The following DNAH7 variants were observed in gnomAD, a reference collection of about 807,000 sequenced individuals.
The protein encoded by DNAH7 is axonemal beta dynein heavy chain 7.
Under a neutral mutation model 444.6 loss-of-function variants are expected in DNAH7, and 397 were observed. The ratio of observed to expected loss-of-function variants is 0.89; its 90% CI spans 0.82 to 0.97. The LOEUF (loss-of-function observed/expected upper bound fraction) is 0.97. DNAH7 is among the 50% of genes least tolerant of loss of function. The pLI is 0.00. For synonymous variants in DNAH7, 1,636 were observed against 1,624.4 expected (o/e 1.01, Z -0.17); for missense variants, 4,902 against 4,800.8 (o/e 1.02, Z -0.62).
chr2:195,742,205 C>T (rs755708823), intron 63 of DNAH7, among the ~76,000 whole-genome samples: 2 of 152,180 alleles, frequency 1.3e-5, no homozygotes, highest in African/African-American at 2.4e-5. Context: ...TGCGTCTTTA[C>T]CTCTGTGGCC....
chr2:195,834,214 C>T lies in DNAH7; in HGVS notation c.9092G>A (p.Gly3031Asp), dbSNP rs1313406963. The change falls in exon 48 of 65, where the codon GGT becomes GAT. Residue 3031 changes from glycine (G) to aspartate (D), a missense_variant. Physicochemically the swap from Gly to Asp is moderately conservative, Grantham distance 94. Coordinates refer to ENST00000312428, the MANE Select transcript of DNAH7 (RefSeq NM_018897.3). ...GTTATTCAACTACATACCAGGAGTA[C>T]CAAACTGGATGCAATTTTCCAGAGT... ...VRTLENCIQFGTPVLLENVGE... is the reference protein window; with the variant it reads ...VRTLENCIQFDTPVLLENVGE... 8.7e-6 allele frequency: 14 copies of T among 1,604,628 alleles called. No individual in the cohort carries two copies. Among genetic ancestry groups the T allele is most frequent in the Admixed American group, 5.0e-5 (3 of 59,784 alleles).
At chr2:195,985,351 G>T (rs1169848742) in intron 14 of DNAH7, among the ~76,000 whole-genome samples, 2 of 152,142 alleles carry the variant, frequency 1.3e-5, no homozygotes, top group Admixed American at 1.3e-4. Flanking sequence ...ATGAAAGAGG[G>T]CCTCCAACAT....
In DNAH7 at chr2:195,969,889, C is replaced by T. The variant is rs893968446; in HGVS notation, c.2205+59G>A. 112 of 1,532,646 alleles carry T rather than the reference C, an allele frequency of 7.3e-5. 1 individual carries two copies. In the East Asian group the frequency reaches 7.8e-4, roughly 11 times the overall value. The allele number at this position is 1,532,646 out of a possible 1,614,324, so 94.9% of individuals were successfully genotyped here. On this transcript the variant is annotated intron_variant, in intron 17 of 64. Coordinates refer to ENST00000312428, the MANE Select transcript of DNAH7 (RefSeq NM_018897.3). ...ACTTCTTAAAGGTGAATAACTAAAA[C>T]GAATTCAATGCTTTTTCAATTGAAC...
chr2:195,843,184 A>C (rs1698789793), intron 47 of DNAH7, among the ~76,000 whole-genome samples: 1 of 152,238 alleles, frequency 6.6e-6, no homozygotes, highest in East Asian at 1.9e-4. Flanking sequence ...TTCTAACACT[A>C]AACATCAACA....
intron 45 of DNAH7, among the ~76,000 whole-genome samples, chr2:195,855,366 T>G (rs1204950899): frequency 1.3e-5 from 2 of 152,222 alleles, no homozygotes; most frequent in Admixed American, 1.3e-4. Flanking sequence ...TATTGAGTTC[T>G]AATTTCAGCT....
rs1053179741 is a variant in DNAH7, at chr2:195,858,375, G to T, written c.8067+99C>A. On this transcript the variant is annotated intron_variant, in intron 43 of 64. Coordinates refer to ENST00000312428, the MANE Select transcript of DNAH7 (RefSeq NM_018897.3). ...TGATTTCAGCTTCATTAAAATTTCA[G>T]GCTAATTCGGAGAGACAAACTAGAC... 8.2e-6 allele frequency: 8 copies of T among 975,132 alleles called. No individual in the cohort carries two copies. In the African/African-American group the frequency reaches 1.3e-4, roughly 16 times the overall value. The allele number at this position is 975,132 out of a possible 1,614,324, so 60.4% of individuals were successfully genotyped here.
At chr2:195,937,741 C>T (rs1689151124) in intron 19 of DNAH7, among the ~76,000 whole-genome samples, 1 of 151,594 alleles carries the variant, frequency 6.6e-6, no homozygotes, top group Admixed American at 6.6e-5. Context: ...TATTCTTGGT[C>T]TTATAATTCC....
intron 46 of DNAH7, among the ~76,000 whole-genome samples, chr2:195,850,730 G>T (rs1699312589): frequency 6.6e-6 from 1 of 152,170 alleles, no homozygotes; most frequent in African/African-American, 2.4e-5. Flanking sequence ...CTTAGTTTGG[G>T]TTCCCTGAAG....
In DNAH7 at chr2:195,888,579, T is replaced by C. The variant is rs1244387849; in HGVS notation, c.5230-145A>G. 2.9e-6 allele frequency: 3 copies of C among 1,019,392 alleles called. No homozygotes were observed. The African/African-American group carries it at 5.0e-5, about 17-fold the overall frequency. 63.1% of individuals were successfully genotyped at this position (1,019,392 alleles called of 1,614,324 possible). Reference sequence around the variant, plus strand: ...TATAATTTCATGATGTCGATTTTTGTGTCTGACTTTACCAAATAGTCCTAA... The same window carrying C: ...TATAATTTCATGATGTCGATTTTTGCGTCTGACTTTACCAAATAGTCCTAA... On this transcript the variant is annotated intron_variant, in intron 32 of 64. Transcript: ENST00000312428.
At chr2:195,832,827 TTATTA>T (rs1018560356) in intron 48 of DNAH7, among the ~76,000 whole-genome samples, 3 of 152,340 alleles carry the variant, frequency 2.0e-5, no homozygotes, top group African/African-American at 7.2e-5. Context: ...TGTGCCTTTC[TTATTA>T]TATCATACTA....
rs774523495 is a variant in DNAH7 at position 195,872,205 on chromosome 2, T to G, written c.6633+45A>C. On this transcript the variant is annotated intron_variant, in intron 40 of 64. Coordinates refer to ENST00000312428, the MANE Select transcript of DNAH7 (RefSeq NM_018897.3). ...TTTACCCAGTTGTTGGCATGGCAAA[T>G]CTTTGTTTCTCACATAATCCCATTT... The G allele has an allele frequency of 1.5e-5, 21 of 1,437,158 alleles. No individual in the cohort carries two copies. In the Middle Eastern group the frequency reaches 1.9e-3, roughly 132 times the overall value. 89.0% of individuals were successfully genotyped at this position (1,437,158 alleles called of 1,614,324 possible). A position where few individuals can be genotyped will look rare whatever the true frequency, so the allele number is the denominator to read the frequency against.
rs1424102194 is a variant in DNAH7 at position 195,864,164 on chromosome 2, G to A, written c.7491C>T (p.Thr2497=). 2 of 1,613,144 alleles carry A rather than the reference G, an allele frequency of 1.2e-6. No individual in the cohort carries two copies. Among genetic ancestry groups the A allele is most frequent in the Non-Finnish European group, 1.7e-6 (2 of 1,179,176 alleles). ...ATGACAATACCTGAAACCAGTCAAT[G>A]GTACAGCAGTTAACAAGAGCAGGGA... ...RKFPALVNCC[T]IDWFQSWPED... is the part of the protein sequence containing the mutation. The change falls in exon 41 of 65, where the codon ACC becomes ACT. Residue 2497 remains threonine, a synonymous_variant. Transcript: ENST00000312428.
chr2:196,009,405 C>T (rs1342129611), intron 10 of DNAH7, among the ~76,000 whole-genome samples: 1 of 152,058 alleles, frequency 6.6e-6, no homozygotes, highest in East Asian at 1.9e-4. Context: ...GGAAGCAGAG[C>T]TAAAATTTCA....
intron 64 of DNAH7, among the ~76,000 whole-genome samples, chr2:195,740,225 TC>T (rs1380296905): frequency 6.6e-6 from 1 of 152,160 alleles, no homozygotes; most frequent in Non-Finnish European, 1.5e-5. Context: ...CCTCAGGTGA[TC>T]CGTCTGCCTT....
intron 15 of DNAH7, among the ~76,000 whole-genome samples, chr2:195,978,285 TTC>T (rs2125598179): frequency 6.6e-6 from 1 of 152,262 alleles, no homozygotes; most frequent in African/African-American, 2.4e-5. Context: ...TAAATTAATT[TTC>T]TTTTTTCTTG....
chr2:196,007,557 C>T (rs1694453102), intron 10 of DNAH7, among the ~76,000 whole-genome samples: 1 of 152,056 alleles, frequency 6.6e-6, no homozygotes, highest in African/African-American at 2.4e-5. Context: ...GGCTGTGTCT[C>T]CACCCAAATC....
chr2:196,047,629 A>ATT, intron 4 of DNAH7, 130 bp from the exon 5 acceptor site: 1 of 690,506 alleles, frequency 1.4e-6, no homozygotes. Flanking sequence ...TCCTAAGTAT[A>ATT]ATTTTTTTTT....
chr2:195,981,707 T>A (rs1692585210), intron 15 of DNAH7, among the ~76,000 whole-genome samples: 1 of 152,054 alleles, frequency 6.6e-6, no homozygotes, highest in Admixed American at 6.6e-5. Flanking sequence ...AGAACATACC[T>A]TGGGATAAGG....
At position 195,990,724 on chromosome 2, in the gene DNAH7, A is replaced by G. The variant is rs572934697; in HGVS notation, c.1354-2495T>C. On this transcript the variant is annotated intron_variant, in intron 12 of 64. Coordinates refer to ENST00000312428, the MANE Select transcript of DNAH7 (RefSeq NM_018897.3). Reference sequence around the variant, plus strand: ...GTTATCTATGCCATTCCATTGGTCTATGTGTTTGTTTTTATGCCAGTACCA... The same window carrying G: ...GTTATCTATGCCATTCCATTGGTCTGTGTGTTTGTTTTTATGCCAGTACCA... 1.1e-3 allele frequency among the ~76,000 whole-genome samples: 167 copies of G among 148,848 alleles called. 1 individual carries two copies. The highest frequency in any genetic ancestry group is 3.9e-3 in the African/African-American group (158 of 40,140).
Sources: gnomAD v4.1 joint callset for allele counts (sites outside exome capture counted in the v4.1 genomes callset) on GRCh38, gnomAD v4.1.1 for gene constraint, MANE v1.5 for transcripts, NCBI Gene and HGNC (gene_info 2026-07-23, HGNC 2026-07-21) for gene names.